SORCS3: variants seen among roughly 807,000 people sequenced by gnomAD.
SORCS3 encodes VPS10 domain-containing receptor SorCS3.
A neutral mutation model predicts 146.3 loss-of-function variants in SORCS3; 57 were observed. The ratio of observed to expected loss-of-function variants is 0.39; its 90% CI spans 0.31 to 0.49. The LOEUF is 0.49. Ranked by LOEUF, SORCS3 falls within the 20% of genes least tolerant of loss-of-function variation. The pLI, the probability that SORCS3 is intolerant of heterozygous loss-of-function variation, is 0.92. For missense variants in SORCS3, 1,341 were observed against 1,575.5 expected, an observed-to-expected ratio of 0.85 and a Z score of 2.52; for synonymous variants, 653 against 618.5, an observed-to-expected ratio of 1.06 and a Z score of -0.83.
chr10:105,195,698 C>T (rs1220222106), intron 14 of SORCS3, among the ~76,000 whole-genome samples: 1 of 152,112 alleles, frequency 6.6e-6, no homozygotes, highest in African/African-American at 2.4e-5. Flanking sequence ...AGGAAAGGGA[C>T]CACAGTGAAC....
chr10:105,242,358 TTA>T (rs1320914366), intron 20 of SORCS3, among the ~76,000 whole-genome samples: 1 of 120,858 alleles, frequency 8.3e-6, no homozygotes, highest in African/African-American at 3.3e-5. Flanking sequence ...ATACATATAT[TTA>T]TATATATTTA....
At chr10:105,250,377 A>G (rs1172474126) in intron 22 of SORCS3, among the ~76,000 whole-genome samples, 2 of 152,188 alleles carry the variant, frequency 1.3e-5, no homozygotes, top group African/African-American at 4.8e-5. Flanking sequence ...TTAAAAAGAT[A>G]CTAGCTTTTT....
At chr10:105,034,312 G>A (rs1000719064) in intron 4 of SORCS3, among the ~76,000 whole-genome samples, 1 of 152,096 alleles carries the variant, frequency 6.6e-6, no homozygotes, top group Non-Finnish European at 1.5e-5. Flanking sequence ...GGGTGTTCTA[G>A]ATAGAGGGAG....
chr10:105,120,842 C>T (rs184645511), intron 7 of SORCS3, among the ~76,000 whole-genome samples: 31 of 152,266 alleles, frequency 2.0e-4, no homozygotes, highest in Non-Finnish European at 4.1e-4. Flanking sequence ...TTGGTAGTAG[C>T]TCCATAGAAG....
At chr10:105,109,752 T>G (rs2055847147) in intron 7 of SORCS3, among the ~76,000 whole-genome samples, 1 of 152,014 alleles carries the variant, frequency 6.6e-6, no homozygotes, top group South Asian at 2.1e-4. Context: ...TAAAAAATAT[T>G]TTGGCCAATA....
intron 1 of SORCS3, among the ~76,000 whole-genome samples, chr10:104,712,557 C>G (rs2016431045): frequency 1.3e-5 from 2 of 152,158 alleles, no homozygotes; most frequent in South Asian, 4.1e-4. Flanking sequence ...GGATAGGATT[C>G]CTTTCTTGTC....
chr10:105,263,388 C>A lies in SORCS3; in HGVS notation c.*14C>A, dbSNP rs747660450. The A allele has an allele frequency of 3.7e-6, 6 of 1,613,190 alleles. No individual in the cohort carries two copies. In the South Asian group the frequency reaches 6.6e-5, roughly 18 times the overall value. ...ACTAGTGTTTAATACCAGCAAGCCA[C>A]GTGGTCAACCACCTTTCTGACTTTT... On this transcript the variant is annotated 3_prime_UTR_variant, in exon 27 of 27. Transcript: ENST00000369701.
intron 1 of SORCS3, among the ~76,000 whole-genome samples, chr10:104,656,671 CAAAAAGAAAAAGAA>C (rs1245217793): frequency 6.7e-6 from 1 of 149,242 alleles, no homozygotes; most frequent in Non-Finnish European, 1.5e-5. Context: ...TAAAAAAAAA[CAAAAAGAAAAAGAA>C]AAAAAGTAAA....
chr10:104,641,562 GCCGTGCTGGGGCGCCGGGCCGGA>G lies in SORCS3; in HGVS notation c.238_260del (p.Val80ArgfsTer13). 1 of 1,468,968 alleles carries G rather than the reference GCCGTGCTGGGGCGCCGGGCCGGA, an allele frequency of 6.8e-7. No individual in the cohort carries two copies. Among genetic ancestry groups the G allele is most frequent in the Non-Finnish European group, 8.9e-7 (1 of 1,120,638 alleles). The allele number at this position is 1,468,968 out of a possible 1,614,324, so 91.0% of individuals were successfully genotyped here. A position where few individuals can be genotyped will look rare whatever the true frequency, so the allele number is the denominator to read the frequency against. ...GGAGCTGGCGTCGGCGCGGAGAGCC[GCCGTGCTGGGGCGCCGGGCCGGA>G]CCAGAGCTGCTGCCCCAGCAGGGCG... On this transcript the variant is annotated frameshift_variant, in exon 1 of 27. Transcript: ENST00000369701. LOFTEE classifies it high-confidence loss of function. The surrounding 1 kb of genome is among the most constrained non-coding windows in gnomAD (Gnocchi z 6.4).
At chr10:105,127,517 A>C (rs1283869738) in intron 7 of SORCS3, among the ~76,000 whole-genome samples, 2 of 152,156 alleles carry the variant, frequency 1.3e-5, no homozygotes, top group Non-Finnish European at 2.9e-5. Context: ...AGGTGTAATT[A>C]GACCTCACCT....
intron 8 of SORCS3, among the ~76,000 whole-genome samples, chr10:105,146,209 C>A (rs1210073840): frequency 6.6e-6 from 1 of 152,056 alleles, no homozygotes; most frequent in African/African-American, 2.4e-5. Flanking sequence ...GTCCTCCTGA[C>A]TGTGTAAGTT....
At chr10:105,034,613 T>G (rs1425589379) in intron 4 of SORCS3, among the ~76,000 whole-genome samples, 1 of 152,118 alleles carries the variant, frequency 6.6e-6, no homozygotes, top group Non-Finnish European at 1.5e-5. Flanking sequence ...GATTTTGAGG[T>G]GCATAAGCAC....
At chr10:104,975,528 A>C (rs1402674766) in intron 3 of SORCS3, among the ~76,000 whole-genome samples, 1 of 152,228 alleles carries the variant, frequency 6.6e-6, no homozygotes, top group Non-Finnish European at 1.5e-5. Context: ...TCAAGCTGCC[A>C]ATGACTTTCT....
At chr10:104,810,149 T>C (rs1026036170) in intron 1 of SORCS3, among the ~76,000 whole-genome samples, 2 of 152,244 alleles carry the variant, frequency 1.3e-5, no homozygotes, top group African/African-American at 4.8e-5. Flanking sequence ...TATGAGATTT[T>C]AAAAGCAGAA....
At position 104,670,939 on chromosome 10, in the gene SORCS3, T is replaced by C. The variant is rs181899859; in HGVS notation, c.627+28985T>C. Among the ~76,000 whole-genome samples, 5 of 151,830 alleles carry C rather than the reference T, an allele frequency of 3.3e-5. 1 individual carries two copies. The South Asian group carries it at 8.3e-4, about 25-fold the overall frequency. On this transcript the variant is annotated intron_variant, in intron 1 of 26. Coordinates refer to ENST00000369701, the MANE Select transcript of SORCS3 (RefSeq NM_014978.3). ...ATTTTTACTGCTATTATAAATGAAA[T>C]TGTTTTCATAATTTTCTTTTCCAAT...
intron 2 of SORCS3, among the ~76,000 whole-genome samples, chr10:104,897,129 TC>T (rs1000821990): frequency 6.6e-6 from 1 of 152,198 alleles, no homozygotes; most frequent in African/African-American, 2.4e-5. Context: ...CCTGAGAATG[TC>T]AAAGCAATAA....
At position 104,696,674 on chromosome 10, in the gene SORCS3, A is replaced by T. The variant is rs11593259; in HGVS notation, c.627+54720A>T. Among the ~76,000 whole-genome samples the T allele has an allele frequency of 3.9e-4, 3 of 7,792 alleles. No individual in the cohort carries two copies. The East Asian group carries it at 0.018, about 47-fold the overall frequency. The allele number at this position is 7,792 out of a possible 152,430, so 5.1% of individuals were successfully genotyped here. ...ATTATATACGTATATATAATATATA[A>T]CATATATAATATATAATATATATTA... On this transcript the variant is annotated intron_variant, in intron 1 of 26. Coordinates refer to ENST00000369701, the MANE Select transcript of SORCS3 (RefSeq NM_014978.3).
At chr10:105,205,365 T>C (rs2056596460) in intron 16 of SORCS3, among the ~76,000 whole-genome samples, 1 of 152,132 alleles carries the variant, frequency 6.6e-6, no homozygotes, top group Non-Finnish European at 1.5e-5. Flanking sequence ...TCCACAACTT[T>C]CTCCAGAGCG....
intron 3 of SORCS3, among the ~76,000 whole-genome samples, chr10:104,964,186 A>G (rs1033141973): frequency 1.3e-5 from 2 of 152,190 alleles, no homozygotes; most frequent in African/African-American, 4.8e-5. Context: ...TGTGTATCAT[A>G]TGCTTTCTAT....
Sources: gnomAD v4.1 joint callset for allele counts (sites outside exome capture counted in the v4.1 genomes callset) on GRCh38, gnomAD v4.1.1 for gene constraint, Gnocchi (gnomAD v3.1) non-coding constraint, MANE v1.5 for transcripts, NCBI Gene and HGNC (gene_info 2026-07-23, HGNC 2026-07-21) for gene names.